CHLSN: variants seen among roughly 807,000 people sequenced by gnomAD.
The protein encoded by CHLSN is cholesin, also known as protein cholesin.
the CHLSN span, among the ~76,000 whole-genome samples, chr7:1,061,336 A>G: frequency 9.9e-5 from 15 of 152,046 alleles, no homozygotes; most frequent in Admixed American, 7.9e-4. Context: ...CAGGGCAGGC[A>G]CATGCCTCCA....
the CHLSN span, among the ~76,000 whole-genome samples, chr7:1,060,876 G>A: frequency 6.6e-6 from 1 of 152,206 alleles, no homozygotes; most frequent in Non-Finnish European, 1.5e-5. Context: ...GGCATCCGAT[G>A]AGGAAGTGAT....
the CHLSN span, among the ~76,000 whole-genome samples, chr7:1,095,755 A>T: frequency 1.5e-4 from 23 of 152,360 alleles, no homozygotes; most frequent in East Asian, 4.2e-3. Flanking sequence ...TGACACAGCC[A>T]GGAATTCAGC....
chr7:1,035,704 G>A, the CHLSN span, among the ~76,000 whole-genome samples: 1 of 152,130 alleles, frequency 6.6e-6, no homozygotes, highest in Non-Finnish European at 1.5e-5. Context: ...CTGCAAAATG[G>A]CACAGTCACT....
chr7:1,133,409 A>AAAAAAAAAAAAAAAAAAAAC, the CHLSN span, among the ~76,000 whole-genome samples: 3 of 149,546 alleles, frequency 2.0e-5, no homozygotes, highest in Non-Finnish European at 1.5e-5. Flanking sequence ...AAAAAAAAAA[A>AAAAAAAAAAAAAAAAAAAAC]AAAACTATAA....
At chr7:1,052,152 C>T in the CHLSN span, among the ~76,000 whole-genome samples, 9 of 152,282 alleles carry the variant, frequency 5.9e-5, no homozygotes, top group African/African-American at 9.6e-5. This position sits in a 1 kb window ranked among gnomAD's most constrained non-coding sequence, Gnocchi z 4.2. Flanking sequence ...AGCCCCTCCC[C>T]TCCTGGCCCG....
the CHLSN span, chr7:1,028,172 C>T: frequency 2.2e-6 from 2 of 926,482 alleles, no homozygotes; most frequent in Non-Finnish European, 2.6e-6. Context: ...GGAGCGCCCA[C>T]CTGTCGCCGC....
chr7:1,002,819 CCTGT>C, the CHLSN span, among the ~76,000 whole-genome samples: 1 of 62,286 alleles, frequency 1.6e-5, no homozygotes, highest in Non-Finnish European at 3.1e-5. Context: ...GGTGGGGAGT[CCTGT>C]GGGTGAGTGG....
the CHLSN span, chr7:1,058,007 C>G: frequency 1.0e-5 from 8 of 770,002 alleles, no homozygotes; most frequent in Non-Finnish European, 1.9e-5. Context: ...CCTCGCTGCT[C>G]TTCTACATCT....
chr7:1,032,763 C>T, the CHLSN span, among the ~76,000 whole-genome samples: 145 of 152,362 alleles, frequency 9.5e-4, no homozygotes, highest in African/African-American at 3.4e-3. Context: ...AGGAAAACCA[C>T]CCAATCAGCA....
chr7:1,124,132 T>C, the CHLSN span, among the ~76,000 whole-genome samples: 1 of 152,238 alleles, frequency 6.6e-6, no homozygotes, highest in African/African-American at 2.4e-5. Flanking sequence ...TTTCCAGCTT[T>C]CTTTTAATCA....
chr7:1,072,749 T>A, the CHLSN span, among the ~76,000 whole-genome samples: 2 of 139,448 alleles, frequency 1.4e-5, no homozygotes, highest in African/African-American at 5.5e-5. Context: ...AGTGGCGCAA[T>A]CTCAGCTCAC....
At chr7:1,021,637 C>T in the CHLSN span, 3 of 946,388 alleles carry the variant, frequency 3.2e-6, no homozygotes, top group African/African-American at 3.6e-5. Flanking sequence ...GTGTGACTGG[C>T]TTTGCTGCCA....
At chr7:1,115,622 T>G in the CHLSN span, among the ~76,000 whole-genome samples, 2 of 122,668 alleles carry the variant, frequency 1.6e-5, no homozygotes, top group African/African-American at 6.2e-5. Context: ...ATGGCTTCCA[T>G]CACCAACGCC....
At chr7:983,361 G>A in the CHLSN span, 64 of 1,532,694 alleles carry the variant, frequency 4.2e-5, no homozygotes, top group East Asian at 1.1e-3. Flanking sequence ...TGCGTCTGTC[G>A]CAACAGGACC....
chr7:1,042,635 C>T, the CHLSN span, among the ~76,000 whole-genome samples: 764 of 152,292 alleles, frequency 5.0e-3, 7 homozygotes, highest in African/African-American at 0.017. Flanking sequence ...GCAGATAAGG[C>T]GGTCTGCAGT....
the CHLSN span, among the ~76,000 whole-genome samples, chr7:1,060,016 CCG>C: frequency 3.1e-5 from 4 of 129,080 alleles, no homozygotes; most frequent in Non-Finnish European, 4.9e-5. Flanking sequence ...TGGGGCGGGT[CCG>C]TAGTGAAGCG....
At chr7:1,133,744 T>C in the CHLSN span, among the ~76,000 whole-genome samples, 3 of 106,952 alleles carry the variant, frequency 2.8e-5, no homozygotes, top group African/African-American at 9.1e-5. Flanking sequence ...AGAATGAGAC[T>C]CCATCTCAAA....
the CHLSN span, among the ~76,000 whole-genome samples, chr7:990,871 G>A: frequency 3.9e-4 from 59 of 152,224 alleles, no homozygotes; most frequent in Non-Finnish European, 7.1e-4. Context: ...TGGAGGGTGC[G>A]GAACATTCCA....
the CHLSN span, chr7:1,058,747 A>C: frequency 3.6e-6 from 2 of 559,578 alleles, no homozygotes. Context: ...TCTCCCAAAC[A>C]CGCAGCTCAA....
Sources: gnomAD v4.1 joint callset for allele counts (sites outside exome capture counted in the v4.1 genomes callset) on GRCh38, gnomAD v4.1.1 for gene constraint, Gnocchi (gnomAD v3.1) non-coding constraint, MANE v1.5 for transcripts, NCBI Gene and HGNC (gene_info 2026-07-23, HGNC 2026-07-21) for gene names.